The following PIK3AP1 variants were observed in gnomAD, a reference collection of about 807,000 sequenced individuals.
PIK3AP1 encodes phosphoinositide 3-kinase adapter protein 1.
In PIK3AP1, 21 loss-of-function variants were observed where a neutral mutation model predicts 88.1. The observed-to-expected ratio is 0.24, with a 90% CI of 0.17 to 0.34. The LOEUF is 0.34. Among genes scored for constraint, PIK3AP1 ranks in the 10% least tolerant of loss-of-function variants. PIK3AP1 has a pLI of 1.00. For synonymous variants in PIK3AP1, 398 were observed against 400.0 expected (o/e 1.00, Z 0.06); for missense variants, 828 against 1,035.7 (o/e 0.80, Z 2.75).
chr10:96,635,975 A>AG (rs1248728556), intron 8 of PIK3AP1, among the ~76,000 whole-genome samples: 1 of 152,100 alleles, frequency 6.6e-6, no homozygotes, highest in Admixed American at 6.6e-5. Flanking sequence ...TGGGAGGCCG[A>AG]GGGGGGTGGA....
chr10:96,709,829 C>T lies in PIK3AP1; in HGVS notation c.168G>A (p.Glu56=). 6.2e-7 allele frequency: 1 copy of T among 1,614,010 alleles called. No individual in the cohort carries two copies. The highest frequency in any genetic ancestry group is 8.5e-7 in the Non-Finnish European group (1 of 1,179,966). The change falls in exon 2 of 17, where the codon GAG becomes GAA. Residue 56 remains glutamate, a synonymous_variant. Transcript: ENST00000339364. ...RLGPEASFSA[E]DLSLFLSTRC... ...GGGTGCTGAGGAAAAGGCTTAGGTC[C>T]TCTGCCGAGAAGGAGGCCTCGGGGC... is the stretch of plus-strand genomic sequence containing the variant.
chr10:96,686,202 A>G (rs1844065960), intron 2 of PIK3AP1, among the ~76,000 whole-genome samples: 1 of 152,212 alleles, frequency 6.6e-6, no homozygotes, highest in Non-Finnish European at 1.5e-5. Flanking sequence ...TAATTTAATC[A>G]CTCTGTTCCA....
intron 2 of PIK3AP1, among the ~76,000 whole-genome samples, chr10:96,684,098 C>A (rs1279769423): frequency 6.6e-6 from 1 of 152,176 alleles, no homozygotes; most frequent in Non-Finnish European, 1.5e-5. Context: ...GGGCTGAATT[C>A]CACCCCAAAT....
At chr10:96,631,466 G>C (rs967669547) in intron 8 of PIK3AP1, among the ~76,000 whole-genome samples, 1 of 152,202 alleles carries the variant, frequency 6.6e-6, no homozygotes, top group Non-Finnish European at 1.5e-5. Flanking sequence ...GAGGAAAATA[G>C]TAGAAGGAAG....
At chr10:96,668,686 A>G (rs1421944557) in intron 2 of PIK3AP1, among the ~76,000 whole-genome samples, 1 of 152,208 alleles carries the variant, frequency 6.6e-6, no homozygotes, top group Non-Finnish European at 1.5e-5. Flanking sequence ...TTCATGTCCA[A>G]GACTTCCAGT....
rs1272345297 is a variant in PIK3AP1, at chr10:96,603,534, C to T, written c.2241+445G>A. Among the ~76,000 whole-genome samples, 3 of 152,170 alleles carry T rather than the reference C, an allele frequency of 2.0e-5. No homozygotes were observed. In the East Asian group the frequency reaches 5.8e-4, roughly 29 times the overall value. On this transcript the variant is annotated intron_variant, in intron 15 of 16. Coordinates refer to ENST00000339364, the MANE Select transcript of PIK3AP1 (RefSeq NM_152309.3). ...AGCCTCCCAGCCTACATCTTTCTCC[C>T]ATGCTGCATGCTTCCTGCCCTCAAA... is the stretch of plus-strand genomic sequence containing the variant.
At chr10:96,716,999 C>T (rs545146425) in intron 1 of PIK3AP1, among the ~76,000 whole-genome samples, 21 of 152,220 alleles carry the variant, frequency 1.4e-4, no homozygotes, top group African/African-American at 5.1e-4. Flanking sequence ...TGGTGGCTCA[C>T]ACCTGTAATC....
At chr10:96,597,801 C>A (rs1452688195) in intron 16 of PIK3AP1, among the ~76,000 whole-genome samples, 1 of 152,028 alleles carries the variant, frequency 6.6e-6, no homozygotes, top group Non-Finnish European at 1.5e-5. Flanking sequence ...GAAATCTGTT[C>A]CCCAGGTATG....
At chr10:96,604,788 T>C (rs776021432) in intron 14 of PIK3AP1, among the ~76,000 whole-genome samples, 2 of 152,234 alleles carry the variant, frequency 1.3e-5, no homozygotes, top group African/African-American at 2.4e-5. Context: ...GTATCACCCA[T>C]GCAGACACGC....
chr10:96,616,045 G>A (rs1849210111), intron 13 of PIK3AP1, among the ~76,000 whole-genome samples: 1 of 152,194 alleles, frequency 6.6e-6, no homozygotes, highest in Non-Finnish European at 1.5e-5. Context: ...TGCATTGTGG[G>A]TAAACGCCAA....
chr10:96,714,182 A>AT (rs1844473834), intron 1 of PIK3AP1, among the ~76,000 whole-genome samples: 1 of 152,202 alleles, frequency 6.6e-6, no homozygotes, highest in African/African-American at 2.4e-5. Context: ...CTCAAAAAAA[A>AT]AAAAGACTCC....
intron 6 of PIK3AP1, 67 bp from the exon 7 acceptor site, chr10:96,648,922 G>C: frequency 7.4e-7 from 1 of 1,355,626 alleles, no homozygotes; most frequent in South Asian, 1.6e-5. Context: ...CTTGTTCATG[G>C]AGATGAAGCT....
At chr10:96,698,535 T>TAAACTAAACTAA (rs1186047198) in intron 2 of PIK3AP1, among the ~76,000 whole-genome samples, 2 of 151,724 alleles carry the variant, frequency 1.3e-5, no homozygotes, top group Non-Finnish European at 2.9e-5. Context: ...TAAACCAAAC[T>TAAACTAAACTAA]AAACTAAACT....
intron 16 of PIK3AP1, among the ~76,000 whole-genome samples, chr10:96,598,041 G>GTTTTTTT (rs1330924017): frequency 9.3e-6 from 1 of 107,422 alleles, no homozygotes; most frequent in African/African-American, 3.3e-5. Context: ...TTGTTTTTTT[G>GTTTTTTT]TTGTTTTTTT....
chr10:96,638,101 AT>A (rs1157450783), intron 8 of PIK3AP1, among the ~76,000 whole-genome samples: 1 of 152,194 alleles, frequency 6.6e-6, no homozygotes, highest in Non-Finnish European at 1.5e-5. Flanking sequence ...AAGGACACAA[AT>A]TTTGGAGGCT....
chr10:96,627,220 C>G (rs1454581894), intron 9 of PIK3AP1, among the ~76,000 whole-genome samples: 3 of 152,230 alleles, frequency 2.0e-5, no homozygotes, highest in Non-Finnish European at 4.4e-5. Flanking sequence ...ATGGGACTAA[C>G]TGTCAAAGCC....
At chr10:96,718,790 T>C (rs59014059) in intron 1 of PIK3AP1, among the ~76,000 whole-genome samples, 23,219 of 152,076 alleles carry the variant, frequency 0.15, 4,288 homozygotes, top group African/African-American at 0.45. Context: ...CAGGGCCTGT[T>C]CCTGACCATG....
intron 2 of PIK3AP1, chr10:96,669,575 G>C (rs1223219517): frequency 1.3e-5 from 2 of 152,182 alleles, no homozygotes; most frequent in South Asian, 2.1e-4. Context: ...AGGATTGCTT[G>C]AGCTCAGGAG....
At chr10:96,654,537 C>T (rs370869927) in intron 3 of PIK3AP1, among the ~76,000 whole-genome samples, 11 of 152,170 alleles carry the variant, frequency 7.2e-5, no homozygotes, top group African/African-American at 2.2e-4. Flanking sequence ...CAGGCCCAGC[C>T]TTGTCCCACC....
Sources: allele counts gnomAD v4.1 joint callset (sites outside exome capture counted in the v4.1 genomes callset), GRCh38; gene constraint gnomAD v4.1.1; transcripts MANE v1.5; gene names NCBI Gene and HGNC (gene_info 2026-07-23, HGNC 2026-07-21).